The following GNG4 variants were observed in gnomAD, a reference collection of about 807,000 sequenced individuals.
GNG4 encodes guanine nucleotide-binding protein G(I)/G(S)/G(O) subunit gamma-4.
Under a neutral mutation model 5.8 loss-of-function variants are expected in GNG4, and 4 were observed. The ratio of observed to expected loss-of-function variants is 0.69; its 90% CI spans 0.34 to 1.57. GNG4 has a LOEUF of 1.57. Among genes scored for constraint, GNG4 ranks in the 40% most tolerant of loss-of-function variants. GNG4 has a pLI of 0.06. For missense variants in GNG4, 96 were observed against 95.1 expected (o/e 1.01, Z -0.04); for synonymous variants, 29 against 32.9 (o/e 0.88, Z 0.41).
At chr1:235,593,059 C>G (rs1688018395) in intron 2 of GNG4, among the ~76,000 whole-genome samples, 1 of 151,760 alleles carries the variant, frequency 6.6e-6, no homozygotes, top group African/African-American at 2.4e-5. Context: ...AGCAATTCTT[C>G]TGCCTCAGCC....
At chr1:235,575,777 A>G (rs1428724497) in intron 3 of GNG4, among the ~76,000 whole-genome samples, 1 of 152,152 alleles carries the variant, frequency 6.6e-6, no homozygotes, top group Non-Finnish European at 1.5e-5. Flanking sequence ...AATGTCAGCA[A>G]TTTCCCTTTC....
At position 235,573,605 on chromosome 1, in the gene GNG4, G is replaced by A. The variant is rs1292561911; in HGVS notation, c.99+10135C>T. Among the ~76,000 whole-genome samples, 6 of 152,034 alleles carry A rather than the reference G, an allele frequency of 3.9e-5. No individual in the cohort carries two copies. The South Asian group carries it at 6.2e-4, about 16-fold the overall frequency. On this transcript the variant is annotated intron_variant, in intron 3 of 3. Coordinates refer to ENST00000391854, the MANE Select transcript of GNG4 (RefSeq NM_001098722.2). Reference sequence around the variant, plus strand: ...ATCCTGGGTAACACAGTGAAACCCCGTCTCTACTAAAAATACAAAAAATTA... The same window carrying A: ...ATCCTGGGTAACACAGTGAAACCCCATCTCTACTAAAAATACAAAAAATTA...
At chr1:235,608,994 T>C (rs757741292) in intron 1 of GNG4, among the ~76,000 whole-genome samples, 20 of 152,022 alleles carry the variant, frequency 1.3e-4, no homozygotes, top group Non-Finnish European at 2.5e-4. Flanking sequence ...CCTCAATTTT[T>C]TTTTGTTGTT....
Position 235,583,769 on chromosome 1 carries a change from T to G in GNG4, c.70A>C (p.Lys24Gln). The change falls in exon 3 of 4, where the codon AAG becomes CAG. Residue 24 changes from lysine to glutamine, a missense_variant. Physicochemically the swap from Lys to Gln is moderately conservative, Grantham distance 53. Transcript: ENST00000391854. ...ACCCTGTCCATACAGGCTTCCATCTTTAGCTGCTCCACAGCTTTCCTGGCT... is the reference window on the plus strand; with the variant it reads ...ACCCTGTCCATACAGGCTTCCATCTGTAGCTGCTCCACAGCTTTCCTGGCT... ...SQARKAVEQL[K>Q]MEACMDRVKV... is the part of the protein sequence containing the mutation. The G allele has an allele frequency of 6.2e-7, 1 of 1,613,574 alleles. No homozygotes were observed.
At chr1:235,601,535 G>T (rs1011260734) in intron 1 of GNG4, among the ~76,000 whole-genome samples, 8 of 152,200 alleles carry the variant, frequency 5.3e-5, no homozygotes, top group African/African-American at 1.9e-4. Flanking sequence ...AAGAGCTCAG[G>T]TGCTGAGGGA....
At chr1:235,581,018 C>T (rs1341258300) in intron 3 of GNG4, among the ~76,000 whole-genome samples, 1 of 152,116 alleles carries the variant, frequency 6.6e-6, no homozygotes, top group African/African-American at 2.4e-5. Flanking sequence ...TTCCAAAGTG[C>T]TGGGATTACA....
At chr1:235,645,787 A>AACTC (rs1338001860) in intron 1 of GNG4, among the ~76,000 whole-genome samples, 1 of 141,406 alleles carries the variant, frequency 7.1e-6, no homozygotes, top group Non-Finnish European at 1.5e-5. Context: ...ACAAGAGGGA[A>AACTC]ACTCAGTCTC....
chr1:235,630,555 G>A (rs749849109), intron 1 of GNG4, among the ~76,000 whole-genome samples: 1 of 152,204 alleles, frequency 6.6e-6, no homozygotes, highest in African/African-American at 2.4e-5. Context: ...AGCACTGCCT[G>A]AGACAGCAAT....
intron 1 of GNG4, among the ~76,000 whole-genome samples, chr1:235,620,753 T>C (rs1688693878): frequency 6.6e-6 from 1 of 152,156 alleles, no homozygotes; most frequent in Admixed American, 6.5e-5. Context: ...GCCAGGAAGG[T>C]CTAGATCTCC....
intron 1 of GNG4, among the ~76,000 whole-genome samples, chr1:235,626,958 C>CAAAAAAAAAAAA (rs776506587): frequency 6.5e-5 from 5 of 77,394 alleles, no homozygotes; most frequent in African/African-American, 9.9e-5. Context: ...GACTCTATCT[C>CAAAAAAAAAAAA]AAAAAAAAAA....
intron 3 of GNG4, among the ~76,000 whole-genome samples, chr1:235,571,361 T>C (rs1687337372): frequency 6.6e-6 from 1 of 152,176 alleles, no homozygotes; most frequent in Non-Finnish European, 1.5e-5. Flanking sequence ...AGTTAATGAA[T>C]CTTCATAGAC....
Position 235,551,307 on chromosome 1 carries a change from G to C in GNG4, c.*802C>G, listed in dbSNP as rs1309743869. The C allele has an allele frequency of 6.6e-6, 1 of 152,270 alleles. No individual in the cohort carries two copies. Among genetic ancestry groups the C allele is most frequent in the Non-Finnish European group, 1.5e-5 (1 of 68,088 alleles). 9.4% of individuals were successfully genotyped at this position (152,270 alleles called of 1,614,324 possible). ...GCCTGTAATCCCAGCGCTTTGGGAG[G>C]CCGAGGCGGGTGGATCACGAGGTCA... On this transcript the variant is annotated 3_prime_UTR_variant, in exon 4 of 4. Transcript: ENST00000391854.
upstream of GNG4, among the ~76,000 whole-genome samples, chr1:235,650,211 C>T (rs1466465855): frequency 5.6e-5 from 2 of 35,798 alleles, no homozygotes; most frequent in Non-Finnish European, 1.1e-4. Context: ...CCCGCGTGGC[C>T]GGGGGACCAC....
At chr1:235,639,903 A>C (rs574615187) in intron 1 of GNG4, among the ~76,000 whole-genome samples, 1 of 152,272 alleles carries the variant, frequency 6.6e-6, no homozygotes, top group East Asian at 1.9e-4. Flanking sequence ...TACCCCTAGG[A>C]CATGGCACAC....
chr1:235,594,369 C>T (rs1688070475), intron 2 of GNG4, among the ~76,000 whole-genome samples: 1 of 152,248 alleles, frequency 6.6e-6, no homozygotes, highest in South Asian at 2.1e-4. Context: ...CAGCTGGCTT[C>T]ACCTAGTGGA....
intron 3 of GNG4, among the ~76,000 whole-genome samples, chr1:235,552,519 G>C (rs77886844): frequency 0.022 from 3,304 of 152,264 alleles, 80 homozygotes; most frequent in African/African-American, 0.064. Context: ...ATATATTCTC[G>C]AGTAGGTGAG....
chr1:235,549,737 C>T lies in GNG4; in HGVS notation c.*2372G>A, dbSNP rs1233197203. 2.0e-5 allele frequency: 3 copies of T among 152,154 alleles called. 1 individual carries two copies. Among genetic ancestry groups the T allele is most frequent in the Non-Finnish European group, 4.4e-5 (3 of 68,014 alleles). 9.4% of individuals were successfully genotyped at this position (152,154 alleles called of 1,614,324 possible). On this transcript the variant is annotated 3_prime_UTR_variant, in exon 4 of 4. Transcript: ENST00000391854. ...GCAAGGAACAAAGATGTCCTAAATC[C>T]ATTTACGAGGGCAGCAAGTCATTAA...
At chr1:235,563,131 A>C (rs561089168) in intron 3 of GNG4, among the ~76,000 whole-genome samples, 3 of 152,164 alleles carry the variant, frequency 2.0e-5, no homozygotes, top group Middle Eastern at 3.4e-3. Context: ...TCCAGTAATT[A>C]AGAAGTATAG....
intron 3 of GNG4, among the ~76,000 whole-genome samples, chr1:235,579,342 C>A (rs539338235): frequency 3.4e-4 from 52 of 151,894 alleles, no homozygotes; most frequent in Admixed American, 5.9e-4. Flanking sequence ...TATACACCAT[C>A]CCCCTCAGTA....
Sources: gnomAD v4.1 joint callset for allele counts (sites outside exome capture counted in the v4.1 genomes callset) on GRCh38, gnomAD v4.1.1 for gene constraint, MANE v1.5 for transcripts, NCBI Gene and HGNC (gene_info 2026-07-23, HGNC 2026-07-21) for gene names.